LINGO2: variants seen among roughly 807,000 people sequenced by gnomAD.
LINGO2 encodes the protein leucine-rich repeat and immunoglobulin-like domain-containing nogo receptor-interacting protein 2.
A neutral mutation model predicts 30.6 loss-of-function variants in LINGO2; 14 were observed. That is an observed-to-expected ratio of 0.46 (90% CI 0.30 to 0.72). The LOEUF is 0.72. LINGO2 is among the 30% of genes least tolerant of loss of function. The pLI is 0.07. For missense variants in LINGO2, 729 were observed against 751.7 expected, an observed-to-expected ratio of 0.97 and a Z score of 0.35; for synonymous variants, 317 against 288.5, an observed-to-expected ratio of 1.10 and a Z score of -1.00.
rs141625038 is a variant in LINGO2 at position 28,193,648 on chromosome 9, G to A, written c.-87+101560C>T. 3.9e-5 allele frequency among the ~76,000 whole-genome samples: 6 copies of A among 152,304 alleles called. No homozygotes were observed. The East Asian group carries it at 9.6e-4, about 24-fold the overall frequency. On this transcript the variant is annotated intron_variant, in intron 4 of 5. Coordinates refer to ENST00000379992, the Ensembl canonical transcript of LINGO2. ...AATACAAACTTTTGTTCTACTTAGC[G>A]ATTGCTGTATAAGTCACCTCCAAAC... is the stretch of plus-strand genomic sequence containing the variant.
At chr9:28,502,190 G>A (rs1398254105) in intron 1 of LINGO2, among the ~76,000 whole-genome samples, 6 of 150,044 alleles carry the variant, frequency 4.0e-5, no homozygotes, top group Non-Finnish European at 7.4e-5. Flanking sequence ...CTGTGGCATC[G>A]CACAATCTTC....
chr9:28,266,786 A>G (rs1469634032), intron 4 of LINGO2, among the ~76,000 whole-genome samples: 1 of 152,006 alleles, frequency 6.6e-6, no homozygotes, highest in Non-Finnish European at 1.5e-5. Context: ...ACTGCTGGCG[A>G]ATCTTCTCCC....
intron 3 of LINGO2, among the ~76,000 whole-genome samples, chr9:28,355,694 G>T (rs1051752677): frequency 6.6e-6 from 1 of 152,076 alleles, no homozygotes; most frequent in Non-Finnish European, 1.5e-5. Context: ...CTCCAGGAGG[G>T]TTCACAGTGA....
intron 3 of LINGO2, among the ~76,000 whole-genome samples, chr9:28,305,619 A>G (rs117770908): frequency 0.013 from 1,941 of 152,192 alleles, 24 homozygotes; most frequent in Non-Finnish European, 0.018. Context: ...CCAATAATAT[A>G]AAATTAAATG....
Position 28,008,025 on chromosome 9 carries a change from G to A in LINGO2, c.-36+4330C>T, listed in dbSNP as rs139285796. ...GATGACCAGCGCATGTTTACTGAAT[G>A]ACCACTTTTTGTTGAAATCAGGGGC... On this transcript the variant is annotated intron_variant, in intron 5 of 5. Coordinates refer to ENST00000379992, the Ensembl canonical transcript of LINGO2. 8.5e-5 allele frequency among the ~76,000 whole-genome samples: 13 copies of A among 152,230 alleles called. No homozygotes were observed. The East Asian group carries it at 1.4e-3, about 16-fold the overall frequency.
intron 3 of LINGO2, among the ~76,000 whole-genome samples, chr9:28,343,936 C>A (rs1391629564): frequency 6.6e-6 from 1 of 152,060 alleles, no homozygotes; most frequent in Non-Finnish European, 1.5e-5. Context: ...AATAATTGAG[C>A]CTTTCTTGCT....
intron 1 of LINGO2, among the ~76,000 whole-genome samples, chr9:28,633,337 A>G (rs1299219727): frequency 6.6e-6 from 1 of 152,092 alleles, no homozygotes; most frequent in Admixed American, 6.6e-5. Flanking sequence ...TTTATTCCAG[A>G]GAATACCTTT....
chr9:28,467,536 C>T (rs548572701), intron 2 of LINGO2, among the ~76,000 whole-genome samples: 1 of 152,092 alleles, frequency 6.6e-6, no homozygotes, highest in Admixed American at 6.5e-5. Flanking sequence ...TCCTTAAATA[C>T]CATAGCATGC....
the LINGO2 span, among the ~76,000 whole-genome samples, chr9:28,689,938 G>T: frequency 6.6e-6 from 1 of 152,096 alleles, no homozygotes; most frequent in East Asian, 1.9e-4. Context: ...AGATGGAATT[G>T]GAAGCCATTA....
chr9:28,806,297 T>C, the LINGO2 span, among the ~76,000 whole-genome samples: 1 of 152,184 alleles, frequency 6.6e-6, no homozygotes, highest in East Asian at 1.9e-4. Context: ...CAAAGATAAA[T>C]GTGAATCACA....
chr9:28,450,864 C>A (rs1295483648), intron 2 of LINGO2, among the ~76,000 whole-genome samples: 1 of 151,864 alleles, frequency 6.6e-6, no homozygotes, highest in East Asian at 1.9e-4. Context: ...AAAAGTTAAA[C>A]CACATAAAAA....
rs1191933615 is a variant in LINGO2, at chr9:28,641,921, G to A, written c.-365+28279C>T. On this transcript the variant is annotated intron_variant, in intron 1 of 5. Coordinates refer to ENST00000379992, the Ensembl canonical transcript of LINGO2. ...ATCTTAAGAACTGTTCTCAGTTCCA[G>A]AATGTTCTTCTTGTCTCCATTCTGG... 6.6e-5 allele frequency among the ~76,000 whole-genome samples: 10 copies of A among 151,910 alleles called. No individual in the cohort carries two copies. In the East Asian group the frequency reaches 1.9e-3, roughly 29 times the overall value.
intron 4 of LINGO2, among the ~76,000 whole-genome samples, chr9:28,267,135 C>G (rs988093360): frequency 1.3e-5 from 2 of 151,934 alleles, no homozygotes; most frequent in African/African-American, 4.8e-5. Context: ...CTATGTCTTT[C>G]CTGCTATAGC....
At chr9:28,444,160 T>C (rs1270712681) in intron 2 of LINGO2, among the ~76,000 whole-genome samples, 7 of 152,272 alleles carry the variant, frequency 4.6e-5, no homozygotes, top group South Asian at 2.1e-4. Flanking sequence ...TTCCTGGATA[T>C]GGGACACGAA....
In LINGO2 at chr9:28,339,327, T is replaced by C. The variant is rs145333317; in HGVS notation, c.-246+33509A>G. On this transcript the variant is annotated intron_variant, in intron 3 of 5. Transcript: ENST00000379992. ...TTTTCAGTTCATTATCCATTTTAAT[T>C]TCCAAAAAACTATTTATAGTAGGTT... Among the ~76,000 whole-genome samples, 583 of 152,290 alleles carry C rather than the reference T, an allele frequency of 3.8e-3. 6 individuals carry two copies. The highest frequency in any genetic ancestry group is 0.013 in the African/African-American group (559 of 41,572).
chr9:28,146,094 C>T (rs192285448), intron 4 of LINGO2, among the ~76,000 whole-genome samples: 1 of 152,346 alleles, frequency 6.6e-6, no homozygotes, highest in East Asian at 1.9e-4. Flanking sequence ...TATTTTCCCA[C>T]TCAGCCTTGT....
intron 4 of LINGO2, among the ~76,000 whole-genome samples, chr9:28,177,865 A>G (rs1403491824): frequency 1.3e-5 from 2 of 152,170 alleles, no homozygotes; most frequent in Non-Finnish European, 1.5e-5. Context: ...TAATTCATGT[A>G]CTATTACCTG....
the LINGO2 span, among the ~76,000 whole-genome samples, chr9:28,971,021 C>T: frequency 0.65 from 98,686 of 151,912 alleles, 32,723 homozygotes; most frequent in Non-Finnish European, 0.72. Flanking sequence ...AGGAGGACTG[C>T]CTTGCTTCTT....
At chr9:28,236,335 C>T (rs547108066) in intron 4 of LINGO2, among the ~76,000 whole-genome samples, 3 of 152,236 alleles carry the variant, frequency 2.0e-5, no homozygotes, top group Non-Finnish European at 4.4e-5. Context: ...AAAGGGATTT[C>T]TTCAATCTGA....
Sources: gnomAD v4.1 joint callset for allele counts (sites outside exome capture counted in the v4.1 genomes callset) on GRCh38, gnomAD v4.1.1 for gene constraint, MANE v1.5 for transcripts, NCBI Gene and HGNC (gene_info 2026-07-23, HGNC 2026-07-21) for gene names.